The following FGF1 variants were observed in gnomAD, a reference collection of about 807,000 sequenced individuals.
FGF1 encodes the protein beta-endothelial cell growth factor.
Under a neutral mutation model 13.4 loss-of-function variants are expected in FGF1, and 9 were observed. That is an observed-to-expected ratio of 0.67 (90% CI 0.40 to 1.17). The LOEUF (loss-of-function observed/expected upper bound fraction) is 1.17. Ranked by LOEUF, FGF1 falls within the 50% of genes most tolerant of loss-of-function variation. FGF1 has a pLI of 0.01. For synonymous variants in FGF1, 93 were observed against 79.0 expected, an observed-to-expected ratio of 1.18 and a Z score of -0.94; for missense variants, 156 against 192.7, an observed-to-expected ratio of 0.81 and a Z score of 1.13.
intron 1 of FGF1, among the ~76,000 whole-genome samples, chr5:142,628,681 C>T (rs550141945): frequency 2.0e-5 from 3 of 152,306 alleles, no homozygotes; most frequent in African/African-American, 7.2e-5. Flanking sequence ...TTCTAACTGA[C>T]CTTTCAAAGC....
intron 2 of FGF1, among the ~76,000 whole-genome samples, chr5:142,696,489 G>A (rs1753132493): frequency 1.3e-5 from 2 of 152,190 alleles, no homozygotes; most frequent in African/African-American, 2.4e-5. Context: ...GATTGACCCT[G>A]AGATTCTAGC....
chr5:142,600,108 G>A (rs902157591), intron 3 of FGF1, among the ~76,000 whole-genome samples: 4 of 152,174 alleles, frequency 2.6e-5, no homozygotes, highest in African/African-American at 9.7e-5. Context: ...GTGTGTGGTG[G>A]CCTATAATCC....
chr5:142,603,401 C>T (rs998849496), intron 2 of FGF1, among the ~76,000 whole-genome samples: 1 of 152,124 alleles, frequency 6.6e-6, no homozygotes, highest in Non-Finnish European at 1.5e-5. Flanking sequence ...CAATACCACC[C>T]TCCCCCACAT....
At chr5:142,599,482 C>T (rs966597151) in intron 3 of FGF1, among the ~76,000 whole-genome samples, 1 of 152,122 alleles carries the variant, frequency 6.6e-6, no homozygotes, top group African/African-American at 2.4e-5. Context: ...ACTAAAATTC[C>T]CCCTACTGAC....
At chr5:142,620,652 T>C (rs1017707319) in intron 1 of FGF1, among the ~76,000 whole-genome samples, 1 of 152,042 alleles carries the variant, frequency 6.6e-6, no homozygotes, top group African/African-American at 2.4e-5. Flanking sequence ...TGGTGGGAGA[T>C]TTTATAATAC....
At chr5:142,655,300 T>C (rs953330149) in intron 1 of FGF1, among the ~76,000 whole-genome samples, 1 of 152,198 alleles carries the variant, frequency 6.6e-6, no homozygotes, top group African/African-American at 2.4e-5. Context: ...ACATAATAAG[T>C]GAAGCGGCCC....
At chr5:142,618,333 TAAGCA>T (rs576787119) in intron 1 of FGF1, among the ~76,000 whole-genome samples, 1 of 152,276 alleles carries the variant, frequency 6.6e-6, no homozygotes, top group East Asian at 1.9e-4. Context: ...ATGTGGATAG[TAAGCA>T]ACCACTTTGG....
intron 1 of FGF1, among the ~76,000 whole-genome samples, chr5:142,628,276 C>T (rs1006323693): frequency 2.0e-5 from 3 of 152,052 alleles, no homozygotes; most frequent in South Asian, 2.1e-4. Context: ...GTTGAGAGGC[C>T]GAGGCAGGCA....
At chr5:142,675,171 G>A (rs1772301057) in intron 1 of FGF1, among the ~76,000 whole-genome samples, 1 of 152,166 alleles carries the variant, frequency 6.6e-6, no homozygotes, top group South Asian at 2.1e-4. Context: ...TAAACCCTCA[G>A]ACCTCAGTGG....
intron 1 of FGF1, among the ~76,000 whole-genome samples, chr5:142,621,503 A>G (rs1223320807): frequency 6.6e-6 from 1 of 151,992 alleles, no homozygotes; most frequent in East Asian, 1.9e-4. Flanking sequence ...TTATTTGGAC[A>G]CATCCCCCAA....
chr5:142,632,700 TTA>T (rs1237163739), intron 1 of FGF1, among the ~76,000 whole-genome samples: 1 of 152,228 alleles, frequency 6.6e-6, no homozygotes, highest in East Asian at 1.9e-4. Context: ...ACCTGCTCTT[TTA>T]TGATCTGACT....
chr5:142,657,331 T>C (rs928400216), intron 1 of FGF1, among the ~76,000 whole-genome samples: 1 of 152,222 alleles, frequency 6.6e-6, no homozygotes, highest in African/African-American at 2.4e-5. Flanking sequence ...TCTCTCTCCC[T>C]GGAGAATCTT....
chr5:142,692,770 C>T (rs1190339745), intron 2 of FGF1, among the ~76,000 whole-genome samples: 1 of 152,046 alleles, frequency 6.6e-6, no homozygotes, highest in Non-Finnish European at 1.5e-5. Flanking sequence ...CCCAGGCACA[C>T]TTTAACCCCA....
chr5:142,645,992 T>C (rs1765987454), intron 1 of FGF1, among the ~76,000 whole-genome samples: 1 of 152,206 alleles, frequency 6.6e-6, no homozygotes, highest in South Asian at 2.1e-4. Context: ...CATTGCAAGC[T>C]CTGCCTCCCG....
chr5:142,689,665 C>T (rs1272769064), upstream of FGF1, among the ~76,000 whole-genome samples: 1 of 150,962 alleles, frequency 6.6e-6, no homozygotes, highest in East Asian at 2.0e-4. Flanking sequence ...TTGTCTGTCG[C>T]CTATTCTACT....
At chr5:142,626,016 G>A (rs1002114740) in intron 1 of FGF1, among the ~76,000 whole-genome samples, 4 of 152,100 alleles carry the variant, frequency 2.6e-5, no homozygotes, top group Admixed American at 1.3e-4. Flanking sequence ...CTCAATAGCC[G>A]ACTCTGGACC....
At chr5:142,684,086 T>C (rs1774238304) in intron 1 of FGF1, among the ~76,000 whole-genome samples, 3 of 152,224 alleles carry the variant, frequency 2.0e-5, no homozygotes, top group African/African-American at 7.2e-5. Flanking sequence ...TCTTTCTTGC[T>C]TGAGATCCAA....
intron 1 of FGF1, among the ~76,000 whole-genome samples, chr5:142,619,658 AC>A (rs1444180778): frequency 6.6e-6 from 1 of 152,036 alleles, no homozygotes; most frequent in African/African-American, 2.4e-5. Flanking sequence ...ACATGGAGAA[AC>A]CCCGTCTCTA....
intron 1 of FGF1, among the ~76,000 whole-genome samples, chr5:142,665,440 G>A (rs1597385784): frequency 6.6e-6 from 1 of 151,978 alleles, no homozygotes; most frequent in East Asian, 1.9e-4. Context: ...CTCCTCCTTG[G>A]AAAAGGTCGC....
Sources: gnomAD v4.1 joint callset for allele counts (sites outside exome capture counted in the v4.1 genomes callset) on GRCh38, gnomAD v4.1.1 for gene constraint, MANE v1.5 for transcripts, NCBI Gene and HGNC (gene_info 2026-07-23, HGNC 2026-07-21) for gene names.